Variants in PDE11A observed in about 807,000 individuals in gnomAD.
The protein encoded by PDE11A is phosphodiesterase 11A, also known as dual 3',5'-cyclic-AMP and -GMP phosphodiesterase 11A.
A neutral mutation model predicts 100.5 loss-of-function variants in PDE11A; 100 were observed. That is an observed-to-expected ratio of 1.00 (90% CI 0.85 to 1.18). The LOEUF is 1.18. PDE11A is among the 50% of genes most tolerant of loss of function. The probability of loss-of-function intolerance (pLI) is 0.00; values close to 1 mark genes in which losing one functional copy is unlikely to be tolerated. For missense variants in PDE11A, 1,141 were observed against 1,152.6 expected, an observed-to-expected ratio of 0.99 and a Z score of 0.15; for synonymous variants, 381 against 420.8, an observed-to-expected ratio of 0.91 and a Z score of 1.16.
chr2:178,038,733 T>A (rs552862453), intron 1 of PDE11A, among the ~76,000 whole-genome samples: 58 of 152,224 alleles, frequency 3.8e-4, no homozygotes, highest in Admixed American at 5.9e-4. Context: ...GGGAGGTAAA[T>A]GAGGACCCTG....
intron 1 of PDE11A, among the ~76,000 whole-genome samples, chr2:178,032,296 A>G (rs1018279809): frequency 5.9e-5 from 9 of 152,162 alleles, no homozygotes; most frequent in African/African-American, 1.4e-4. Flanking sequence ...GCAAATTTCT[A>G]TAAGATCAAT....
intron 10 of PDE11A, among the ~76,000 whole-genome samples, chr2:177,739,184 G>A (rs1209812430): frequency 6.6e-6 from 1 of 152,144 alleles, no homozygotes; most frequent in African/African-American, 2.4e-5. Context: ...TTATCGTTTT[G>A]TTCAAAATTA....
intron 19 of PDE11A, among the ~76,000 whole-genome samples, chr2:177,654,079 T>C (rs943154883): frequency 6.6e-6 from 1 of 152,264 alleles, no homozygotes; most frequent in Non-Finnish European, 1.5e-5. Context: ...TTATTATTTC[T>C]AATCATGCTT....
At chr2:178,025,360 G>T (rs974494969) in intron 1 of PDE11A, among the ~76,000 whole-genome samples, 1 of 152,132 alleles carries the variant, frequency 6.6e-6, no homozygotes, top group African/African-American at 2.4e-5. Context: ...CAAATAATTT[G>T]ATATGAAGTT....
chr2:177,977,404 G>C (rs2085823437), intron 2 of PDE11A, among the ~76,000 whole-genome samples: 2 of 143,140 alleles, frequency 1.4e-5, no homozygotes, highest in Non-Finnish European at 3.1e-5. Flanking sequence ...CCTCTTCAAG[G>C]AGAACTACAA....
chr2:177,733,625 T>G (rs1417466300), intron 10 of PDE11A, among the ~76,000 whole-genome samples: 1 of 152,182 alleles, frequency 6.6e-6, no homozygotes, highest in Non-Finnish European at 1.5e-5. Flanking sequence ...AAAGGAAAAT[T>G]GACTTGTTGC....
At chr2:178,077,989 C>A (rs1418003542) in intron 2 of PDE11A, among the ~76,000 whole-genome samples, 4 of 151,868 alleles carry the variant, frequency 2.6e-5, no homozygotes, top group Admixed American at 2.6e-4. Flanking sequence ...CCAGAACTGT[C>A]AGAGAATAAA....
chr2:178,028,300 C>CAAAA (rs5836640), intron 1 of PDE11A, among the ~76,000 whole-genome samples: 40,326 of 130,952 alleles, frequency 0.31, 7,917 homozygotes, highest in East Asian at 0.52. Context: ...CATGTTCCAT[C>CAAAA]AAAAAAAAAA....
chr2:178,034,060 T>C (rs1317585082), intron 1 of PDE11A, among the ~76,000 whole-genome samples: 1 of 152,096 alleles, frequency 6.6e-6, no homozygotes, highest in African/African-American at 2.4e-5. Flanking sequence ...TAACCTTAAA[T>C]GTAAATAGGC....
At chr2:177,636,919 C>A (rs2080046940) in intron 19 of PDE11A, among the ~76,000 whole-genome samples, 1 of 152,152 alleles carries the variant, frequency 6.6e-6, no homozygotes, top group Non-Finnish European at 1.5e-5. Context: ...ACTCAGCTTC[C>A]CCTCAAATAG....
At chr2:177,727,868 C>A in intron 11 of PDE11A, 103 bp from the exon 12 acceptor site, 3 of 971,832 alleles carry the variant, frequency 3.1e-6, no homozygotes, top group Non-Finnish European at 3.3e-6. Flanking sequence ...TGATCAAAGG[C>A]CTTCCACAAA....
intron 1 of PDE11A, among the ~76,000 whole-genome samples, chr2:178,046,216 G>A (rs1017501462): frequency 3.9e-5 from 6 of 152,134 alleles, no homozygotes; most frequent in African/African-American, 1.4e-4. Flanking sequence ...TTTTGGGGGG[G>A]TTGGTTGGTA....
intron 18 of PDE11A, among the ~76,000 whole-genome samples, chr2:177,664,830 T>C (rs1047503088): frequency 2.6e-5 from 4 of 152,206 alleles, no homozygotes; most frequent in African/African-American, 9.6e-5. Context: ...TAGTAAGTTT[T>C]ATCTTTCCTT....
chr2:177,862,921 G>C (rs115360555), intron 5 of PDE11A, among the ~76,000 whole-genome samples: 3,410 of 151,954 alleles, frequency 0.022, 60 homozygotes, highest in East Asian at 0.075. Context: ...CACACTTCCT[G>C]ATTTCAAATT....
At chr2:177,997,917 C>G (rs2086097391) in intron 2 of PDE11A, 1 of 1,322,186 alleles carries the variant, frequency 7.6e-7, no homozygotes, top group Non-Finnish European at 1.1e-6. Flanking sequence ...ATTTCAATAC[C>G]TCCAACTGTA....
Position 177,955,172 on chromosome 2 carries a change from T to C in PDE11A, c.1072-49985A>G, listed in dbSNP as rs1050661921. Among the ~76,000 whole-genome samples, 72 of 152,220 alleles carry C rather than the reference T, an allele frequency of 4.7e-4. 1 individual carries two copies. Among genetic ancestry groups the C allele is most frequent in the African/African-American group, 1.7e-3 (69 of 41,464 alleles). ...TTCCCGGGTAGGAATAATAATTCTG[T>C]AACTACAAGAGTCATCCAATTCCAT... On this transcript the variant is annotated intron_variant, in intron 2 of 19. Coordinates refer to ENST00000286063, the MANE Select transcript of PDE11A (RefSeq NM_016953.4).
chr2:178,093,691 T>A (rs1053925034), intron 2 of PDE11A, among the ~76,000 whole-genome samples: 1 of 152,168 alleles, frequency 6.6e-6, no homozygotes, highest in Non-Finnish European at 1.5e-5. Flanking sequence ...CTCTCCAAAG[T>A]ATGTGACACA....
chr2:177,757,993 A>G (rs1227654540), intron 10 of PDE11A, among the ~76,000 whole-genome samples: 1 of 152,036 alleles, frequency 6.6e-6, no homozygotes, highest in Non-Finnish European at 1.5e-5. Context: ...CAGTCTTAGA[A>G]TATTCTCTGT....
chr2:177,922,635 T>C (rs1320497082), intron 2 of PDE11A: 1 of 946,490 alleles, frequency 1.1e-6, no homozygotes, highest in Non-Finnish European at 1.3e-6. Flanking sequence ...TACCTGTTAG[T>C]TATGTCTCAA....
Sources: allele counts gnomAD v4.1 joint callset (sites outside exome capture counted in the v4.1 genomes callset), GRCh38; gene constraint gnomAD v4.1.1; transcripts MANE v1.5; gene names NCBI Gene and HGNC (gene_info 2026-07-23, HGNC 2026-07-21).